SLC8A1: variants seen among roughly 807,000 people sequenced by gnomAD.
The protein encoded by SLC8A1 is solute carrier family 8 member A1.
SLC8A1 carries 18 observed loss-of-function variants against 68.3 expected under a neutral mutation model. The ratio of observed to expected loss-of-function variants is 0.26; its 90% CI spans 0.18 to 0.39. The LOEUF is 0.39. SLC8A1 is among the 10% of genes least tolerant of loss of function. The pLI is 1.00. For missense variants in SLC8A1, 985 were observed against 1,156.7 expected, an observed-to-expected ratio of 0.85 and a Z score of 2.15; for synonymous variants, 475 against 415.5, an observed-to-expected ratio of 1.14 and a Z score of -1.74.
At chr2:40,150,517 C>A (rs148513911) in intron 6 of SLC8A1, among the ~76,000 whole-genome samples, 2 of 152,192 alleles carry the variant, frequency 1.3e-5, no homozygotes, top group African/African-American at 2.4e-5. Flanking sequence ...ACAACTAAAA[C>A]TGTATTCACA....
intron 1 of SLC8A1, among the ~76,000 whole-genome samples, chr2:40,496,981 G>C (rs539471788): frequency 6.6e-6 from 1 of 150,438 alleles, no homozygotes; most frequent in Non-Finnish European, 1.5e-5. Flanking sequence ...GCTAGATGAC[G>C]AGTTAGTGGG....
chr2:40,258,255 C>T (rs1223768258), intron 2 of SLC8A1, among the ~76,000 whole-genome samples: 2 of 152,188 alleles, frequency 1.3e-5, no homozygotes, highest in Non-Finnish European at 2.9e-5. Context: ...TTTGTTCCTT[C>T]ATTAAGTGAG....
At chr2:40,306,313 A>G (rs757284439) in intron 2 of SLC8A1, among the ~76,000 whole-genome samples, 1 of 152,194 alleles carries the variant, frequency 6.6e-6, no homozygotes, top group African/African-American at 2.4e-5. Context: ...ACAAGATGGC[A>G]AGTTGAAGAT....
In SLC8A1 at chr2:40,348,420, C is replaced by T. The variant is rs1052317058; in HGVS notation, c.1808+80053G>A. 1.5e-4 allele frequency among the ~76,000 whole-genome samples: 23 copies of T among 152,272 alleles called. 1 individual carries two copies. Among genetic ancestry groups the T allele is most frequent in the Middle Eastern group, 3.4e-3 (1 of 294 alleles). ...CTATCCCATCAAAGAACCTATCTAC[C>T]GTTTCAGACATTTTAAATGCCAAAC... On this transcript the variant is annotated intron_variant, in intron 2 of 7. Transcript: ENST00000406785.
intron 2 of SLC8A1, among the ~76,000 whole-genome samples, chr2:40,331,744 C>G (rs1195813955): frequency 6.6e-6 from 1 of 152,006 alleles, no homozygotes; most frequent in Non-Finnish European, 1.5e-5. Flanking sequence ...CAGGCGGCCA[C>G]CACTGTGCCC....
At chr2:40,366,522 G>C (rs980055498) in intron 2 of SLC8A1, among the ~76,000 whole-genome samples, 6 of 152,072 alleles carry the variant, frequency 3.9e-5, no homozygotes, top group Admixed American at 1.3e-4. Context: ...TAATTACCAT[G>C]TTTGTTCTCT....
chr2:40,431,543 C>G (rs1698298276), intron 1 of SLC8A1, among the ~76,000 whole-genome samples: 1 of 152,080 alleles, frequency 6.6e-6, no homozygotes, highest in South Asian at 2.1e-4. Context: ...TACATCCCTT[C>G]TGCTTCCAGA....
At chr2:40,108,330 C>T (rs1001138559) in exon 8 of SLC8A1, 9 of 152,160 alleles carry the variant, frequency 5.9e-5, no homozygotes, top group African/African-American at 1.9e-4. Context: ...TATGTATGCC[C>T]AACTTTGATT....
intron 2 of SLC8A1, among the ~76,000 whole-genome samples, chr2:40,373,962 C>T (rs758167475): frequency 8.5e-5 from 13 of 152,236 alleles, no homozygotes; most frequent in Admixed American, 3.3e-4. Context: ...AATAAATTCA[C>T]GTGCTCTTCT....
In SLC8A1 at chr2:40,170,540, G is replaced by A. The variant is rs41281445; in HGVS notation, c.1930+4285C>T. 8.3e-3 allele frequency among the ~76,000 whole-genome samples: 1,260 copies of A among 152,298 alleles called. 7 individuals carry two copies. Among genetic ancestry groups the A allele is most frequent in the Non-Finnish European group, 0.013 (903 of 68,030 alleles). On this transcript the variant is annotated intron_variant, in intron 4 of 7. Coordinates refer to ENST00000406785, the Ensembl canonical transcript of SLC8A1. ...GGGAGCTCTGGTGGAAGTTACTGAT[G>A]GAGATCACTGCTCAGAGATGAGCGA...
chr2:40,263,079 T>A (rs962447808), intron 2 of SLC8A1, among the ~76,000 whole-genome samples: 1 of 152,228 alleles, frequency 6.6e-6, no homozygotes, highest in African/African-American at 2.4e-5. Context: ...AGCGAATGAC[T>A]TACATTTTGA....
intron 2 of SLC8A1, among the ~76,000 whole-genome samples, chr2:40,252,956 T>A (rs1036500951): frequency 1.2e-4 from 18 of 144,316 alleles, no homozygotes; most frequent in Non-Finnish European, 2.1e-4. Flanking sequence ...TATACATATG[T>A]GTGTATATGT....
chr2:40,232,356 T>C (rs1234935113), intron 2 of SLC8A1, among the ~76,000 whole-genome samples: 1 of 151,916 alleles, frequency 6.6e-6, no homozygotes, highest in Non-Finnish European at 1.5e-5. Context: ...GATTGTATTA[T>C]TTTAAGAGAG....
At chr2:40,239,059 A>T (rs1369420850) in intron 2 of SLC8A1, among the ~76,000 whole-genome samples, 2 of 152,210 alleles carry the variant, frequency 1.3e-5, no homozygotes, top group African/African-American at 4.8e-5. Context: ...CAGAAAAAAA[A>T]AAAAGAATTT....
At chr2:40,323,035 A>T (rs2075390754) in intron 2 of SLC8A1, among the ~76,000 whole-genome samples, 1 of 152,166 alleles carries the variant, frequency 6.6e-6, no homozygotes, top group Non-Finnish European at 1.5e-5. Context: ...AAATTGAAGG[A>T]TTATATAACA....
intron 1 of SLC8A1, among the ~76,000 whole-genome samples, chr2:40,469,955 C>T (rs35139526): frequency 0.088 from 13,325 of 152,080 alleles, 947 homozygotes; most frequent in East Asian, 0.31. Context: ...GATTTCAAAA[C>T]GTTTGTATCC....
At chr2:40,493,771 C>T (rs1032389883) in intron 1 of SLC8A1, among the ~76,000 whole-genome samples, 1 of 151,804 alleles carries the variant, frequency 6.6e-6, no homozygotes, top group African/African-American at 2.4e-5. Context: ...TCTCCTGCCT[C>T]AGCCTCCTGA....
chr2:40,181,904 G>C (rs1243993658), intron 2 of SLC8A1, among the ~76,000 whole-genome samples: 1 of 152,204 alleles, frequency 6.6e-6, no homozygotes, highest in South Asian at 2.1e-4. Flanking sequence ...ACAGGGGATA[G>C]TATGGGGTTG....
intron 1 of SLC8A1, among the ~76,000 whole-genome samples, chr2:40,458,637 C>A (rs1703162708): frequency 6.6e-6 from 1 of 152,144 alleles, no homozygotes; most frequent in Non-Finnish European, 1.5e-5. Context: ...CGATGACAGA[C>A]AGATTGTCTG....
Sources: allele counts gnomAD v4.1 joint callset (sites outside exome capture counted in the v4.1 genomes callset), GRCh38; gene constraint gnomAD v4.1.1; transcripts MANE v1.5; gene names NCBI Gene and HGNC (gene_info 2026-07-23, HGNC 2026-07-21).